Variants in RAB3C observed in about 807,000 individuals in gnomAD.
RAB3C encodes the protein RAB3C, member RAS oncogene family, also known as ras-related protein Rab-3C.
In RAB3C, 17 loss-of-function variants were observed where a neutral mutation model predicts 26.4. The observed-to-expected ratio is 0.64, with a 90% confidence interval of 0.44 to 0.97. The LOEUF (loss-of-function observed/expected upper bound fraction) is 0.97, where lower values mean the gene tolerates loss of function less well. Among genes scored for constraint, RAB3C ranks in the 50% least tolerant of loss-of-function variants. RAB3C has a pLI of 0.00. For missense variants in RAB3C, 242 were observed against 281.9 expected (o/e 0.86, Z 1.01); for synonymous variants, 91 against 95.9 (o/e 0.95, Z 0.30).
chr5:58,768,926 G>A (rs1325489816), intron 3 of RAB3C, among the ~76,000 whole-genome samples: 1 of 152,140 alleles, frequency 6.6e-6, no homozygotes, highest in Non-Finnish European at 1.5e-5. Context: ...GGGAATCTAA[G>A]AAAGAAAAGC....
intron 3 of RAB3C, among the ~76,000 whole-genome samples, chr5:58,811,378 T>C (rs930848197): frequency 6.6e-6 from 1 of 152,090 alleles, no homozygotes; most frequent in African/African-American, 2.4e-5. Context: ...TGTGTGTGTG[T>C]CTGTGTGTGT....
chr5:58,851,385 C>G lies in RAB3C; in HGVS notation c.*34C>G. The G allele has an allele frequency of 6.6e-7, 1 of 1,524,112 alleles. No individual in the cohort carries two copies. Among genetic ancestry groups the G allele is most frequent in the South Asian group, 1.3e-5 (1 of 76,714 alleles). The allele number at this position is 1,524,112 out of a possible 1,614,324, so 94.4% of individuals were successfully genotyped here. A position where few individuals can be genotyped will look rare whatever the true frequency, so the allele number is the denominator to read the frequency against. On this transcript the variant is annotated 3_prime_UTR_variant, in exon 5 of 5. Transcript: ENST00000282878. Reference sequence around the variant, plus strand: ...TGCACACAGGCAGCTCCAGGGGGCTCTGGTTGCCAACAAACAGCATTTGTA... The same window carrying G: ...TGCACACAGGCAGCTCCAGGGGGCTGTGGTTGCCAACAAACAGCATTTGTA...
At chr5:58,805,025 C>T (rs1341143774) in intron 3 of RAB3C, among the ~76,000 whole-genome samples, 2 of 151,186 alleles carry the variant, frequency 1.3e-5, no homozygotes, top group African/African-American at 2.4e-5. Context: ...TTTATTTAAG[C>T]TTTAATTTAT....
At chr5:58,674,640 G>A (rs768246086) in intron 2 of RAB3C, among the ~76,000 whole-genome samples, 44 of 152,164 alleles carry the variant, frequency 2.9e-4, no homozygotes, top group Non-Finnish European at 5.1e-4. Context: ...ATTTAATACT[G>A]TAATACAGTT....
chr5:58,753,585 G>A (rs1338381771), intron 3 of RAB3C, among the ~76,000 whole-genome samples: 1 of 152,146 alleles, frequency 6.6e-6, no homozygotes, highest in Non-Finnish European at 1.5e-5. Context: ...GCGTTAAGGA[G>A]GAGGAGAGGC....
chr5:58,647,869 G>A (rs1306297997), intron 2 of RAB3C, among the ~76,000 whole-genome samples: 2 of 152,230 alleles, frequency 1.3e-5, no homozygotes, highest in Non-Finnish European at 2.9e-5. Flanking sequence ...TGAGTATGAT[G>A]TAGCACTTTG....
At chr5:58,617,365 T>C (rs2279981) in intron 1 of RAB3C, 17,083 of 614,558 alleles carry the variant, frequency 0.028, 722 homozygotes, top group East Asian at 0.16. Flanking sequence ...CTTATAGACA[T>C]CCCCTTTGGT....
intron 3 of RAB3C, among the ~76,000 whole-genome samples, chr5:58,767,473 G>A (rs1741930186): frequency 1.3e-5 from 2 of 152,152 alleles, no homozygotes; most frequent in Non-Finnish European, 2.9e-5. Context: ...GTACTGCAGA[G>A]GGTTAAATAA....
intron 1 of RAB3C, among the ~76,000 whole-genome samples, chr5:58,614,453 T>C (rs1167767203): frequency 6.6e-6 from 1 of 151,596 alleles, no homozygotes; most frequent in Non-Finnish European, 1.5e-5. Context: ...TGGAATCTTA[T>C]TAGGTGTGTT....
At chr5:58,622,127 G>A (rs1243970470) in intron 2 of RAB3C, among the ~76,000 whole-genome samples, 6 of 152,096 alleles carry the variant, frequency 3.9e-5, no homozygotes, top group Non-Finnish European at 8.8e-5. Context: ...GTCAGAGTAC[G>A]CAGGGTTCAG....
At chr5:58,601,946 G>A (rs938149496) in intron 1 of RAB3C, among the ~76,000 whole-genome samples, 7 of 151,964 alleles carry the variant, frequency 4.6e-5, no homozygotes, top group Non-Finnish European at 8.8e-5. Flanking sequence ...ACCTTAGACT[G>A]TCTGTTTGTG....
chr5:58,666,157 T>C (rs1370975567), intron 2 of RAB3C, among the ~76,000 whole-genome samples: 2 of 152,222 alleles, frequency 1.3e-5, no homozygotes, highest in African/African-American at 4.8e-5. Context: ...AGTAGACAGC[T>C]ATAATTATTT....
intron 3 of RAB3C, among the ~76,000 whole-genome samples, chr5:58,727,030 C>A (rs989813180): frequency 4.6e-5 from 7 of 151,920 alleles, no homozygotes; most frequent in African/African-American, 7.2e-5. Context: ...CTAGGACTGA[C>A]TGAAGAAATA....
chr5:58,617,959 C>A, intron 2 of RAB3C, 89 bp downstream of exon 2: 1 of 763,654 alleles, frequency 1.3e-6, no homozygotes, highest in East Asian at 2.7e-5. Flanking sequence ...TTGTTCTATC[C>A]CCAGGGCATC....
chr5:58,791,172 C>G (rs1742515156), intron 3 of RAB3C, among the ~76,000 whole-genome samples: 1 of 152,010 alleles, frequency 6.6e-6, no homozygotes, highest in Non-Finnish European at 1.5e-5. Context: ...CTTAGTCCAC[C>G]AAAGTCATTT....
chr5:58,739,393 T>C (rs1741226927), intron 3 of RAB3C, among the ~76,000 whole-genome samples: 1 of 152,240 alleles, frequency 6.6e-6, no homozygotes, highest in South Asian at 2.1e-4. Flanking sequence ...GTGGGATTCC[T>C]TTCTATAGCT....
At chr5:58,609,409 G>T (rs1419538305) in intron 1 of RAB3C, among the ~76,000 whole-genome samples, 1 of 152,082 alleles carries the variant, frequency 6.6e-6, no homozygotes, top group African/African-American at 2.4e-5. Context: ...GTACCAGAAG[G>T]TTCTGTTCCT....
chr5:58,745,813 T>G (rs771667459), intron 3 of RAB3C, among the ~76,000 whole-genome samples: 54 of 152,330 alleles, frequency 3.5e-4, no homozygotes, highest in Middle Eastern at 6.8e-3. Context: ...TATTGTACTT[T>G]GCTGTAAAGT....
chr5:58,721,203 A>G (rs1043283821), intron 2 of RAB3C, among the ~76,000 whole-genome samples: 3 of 150,996 alleles, frequency 2.0e-5, no homozygotes, highest in African/African-American at 7.3e-5. Context: ...TAAAAACATG[A>G]TTAGGAAATC....
Sources: allele counts gnomAD v4.1 joint callset (sites outside exome capture counted in the v4.1 genomes callset), GRCh38; gene constraint gnomAD v4.1.1; transcripts MANE v1.5; gene names NCBI Gene and HGNC (gene_info 2026-07-23, HGNC 2026-07-21).